Variants in MROH2B observed in about 807,000 individuals in gnomAD.
The protein encoded by MROH2B is maestro heat like repeat family member 2B.
Under a neutral mutation model 208.6 loss-of-function variants are expected in MROH2B, and 177 were observed. The observed-to-expected ratio is 0.85, with a 90% CI of 0.75 to 0.96. MROH2B has a LOEUF of 0.96. MROH2B is among the 40% of genes least tolerant of loss of function. The pLI, the probability that MROH2B is intolerant of heterozygous loss-of-function variation, is 0.00. For synonymous variants in MROH2B, 728 were observed against 659.0 expected (o/e 1.10, Z -1.60); for missense variants, 2,002 against 1,878.7 (o/e 1.07, Z -1.21).
At position 40,998,742 on chromosome 5, in the gene MROH2B, C is replaced by A. The variant is rs1741290799; in HGVS notation, c.4586-65G>T. 7.2e-6 allele frequency: 10 copies of A among 1,386,440 alleles called. No individual in the cohort carries two copies. The South Asian group carries it at 1.1e-4, about 16-fold the overall frequency. 85.9% of individuals were successfully genotyped at this position (1,386,440 alleles called of 1,614,324 possible). A position where few individuals can be genotyped will look rare whatever the true frequency, so the allele number is the denominator to read the frequency against. On this transcript the variant is annotated intron_variant, in intron 40 of 41. Transcript: ENST00000399564. ...GAGGAAGAAGCCATGAAAAGTATAG[C>A]AGGTTAGACTCTGCACCTGGTGAGA...
chr5:41,005,413 A>AACCC (rs35848875), intron 35 of MROH2B, 118 bp downstream of exon 35: 20 of 204,584 alleles, frequency 9.8e-5, no homozygotes, highest in Admixed American at 4.5e-4. Flanking sequence ...CCTCTATGAA[A>AACCC]CCCCCCCCCC....
rs566196052 is a variant in MROH2B at position 41,027,018 on chromosome 5, AC to A, written c.2441+5723del. Among the ~76,000 whole-genome samples the A allele has an allele frequency of 1.8e-3, 270 of 152,314 alleles. 2 individuals are homozygous for A. Among genetic ancestry groups the A allele is most frequent in the African/African-American group, 5.9e-3 (245 of 41,564 alleles). ...AGCTGAAACTGGATCCCTTCCTTAC[AC>A]CTTATACAAAAATTAATTCAAGATG... On this transcript the variant is annotated intron_variant, in intron 24 of 41. Transcript: ENST00000399564.
chr5:41,061,632 T>C lies in MROH2B; in HGVS notation c.553A>G (p.Lys185Glu). Residue 185 changes from lysine to glutamate, a missense_variant, in exon 6 of 42, where the codon AAG (lysine) becomes GAG (glutamate). By Grantham distance (56) the Lys-to-Glu change is moderately conservative. Coordinates refer to ENST00000399564, the MANE Select transcript of MROH2B (RefSeq NM_173489.5). The part of the protein sequence containing the change: ...PRLDANRLSD[K>E]IFMLFWYIME... ...ATATACCAGAACAGCATGAAGATCT[T>C]GTCAGACAGTCGGTTGGCATCCAGT... The C allele has an allele frequency of 1.2e-6, 2 of 1,613,954 alleles. No individual in the cohort carries two copies. The highest frequency in any genetic ancestry group is 1.7e-6 in the Non-Finnish European group (2 of 1,179,838).
intron 1 of MROH2B, among the ~76,000 whole-genome samples, chr5:41,070,481 G>T (rs762778598): frequency 2.6e-5 from 4 of 152,230 alleles, no homozygotes; most frequent in Admixed American, 2.6e-4. Flanking sequence ...TTTTGGCAAA[G>T]TAGAAAGGCA....
chr5:41,068,735 A>G (rs1404544145), intron 2 of MROH2B, among the ~76,000 whole-genome samples: 1 of 152,120 alleles, frequency 6.6e-6, no homozygotes, highest in Non-Finnish European at 1.5e-5. Context: ...GTGATTCCCA[A>G]TGTTTGAGAA....
At chr5:41,037,984 T>A (rs16870705) in intron 21 of MROH2B, among the ~76,000 whole-genome samples, 2,401 of 152,310 alleles carry the variant, frequency 0.016, 80 homozygotes, top group East Asian at 0.14. Flanking sequence ...AATGATCAGA[T>A]AAATTTCAAC....
chr5:41,034,165 G>T (rs1207425307), intron 21 of MROH2B: 3 of 707,160 alleles, frequency 4.2e-6, no homozygotes, highest in Non-Finnish European at 5.2e-6. Flanking sequence ...AGGCTCAACA[G>T]ACTTTGGTAA....
In MROH2B at chr5:41,033,870, A is replaced by C; in HGVS notation, c.2215-6T>G. Reference sequence around the variant, plus strand: ...ATCACAGACATGCCCAGAACCTAAAAAAAATCAAAGGCAAAATTAGATACT... The same window carrying C: ...ATCACAGACATGCCCAGAACCTAAACAAAATCAAAGGCAAAATTAGATACT... On this transcript the variant is annotated splice_region_variant and splice_polypyrimidine_tract_variant and intron_variant, in intron 21 of 41. Coordinates refer to ENST00000399564, the MANE Select transcript of MROH2B (RefSeq NM_173489.5). The C allele has an allele frequency of 1.3e-6, 2 of 1,549,188 alleles. No individual in the cohort carries two copies. Among genetic ancestry groups the C allele is most frequent in the Non-Finnish European group, 1.7e-6 (2 of 1,145,064 alleles).
chr5:41,047,911 A>G (rs1743171388), intron 16 of MROH2B, 147 bp from the exon 17 acceptor site: 17 of 694,686 alleles, frequency 2.4e-5, no homozygotes, highest in Middle Eastern at 4.9e-4. Flanking sequence ...AATTTACTAC[A>G]CTGGCAACTT....
At chr5:41,001,201 C>T (rs1002047572) in intron 37 of MROH2B, among the ~76,000 whole-genome samples, 1 of 152,076 alleles carries the variant, frequency 6.6e-6, no homozygotes, top group Non-Finnish European at 1.5e-5. Flanking sequence ...GGTTGCGTTA[C>T]TAGCCTAGAA....
chr5:41,033,888 T>C, intron 21 of MROH2B, 24 bp from the exon 22 acceptor site: 1 of 1,548,826 alleles, frequency 6.5e-7, no homozygotes, highest in Admixed American at 2.0e-5. Flanking sequence ...AAGGCAAAAT[T>C]AGATACTCAA....
chr5:41,033,035 A>G lies in MROH2B; in HGVS notation c.2361+6T>C, dbSNP rs376461478. 2.5e-5 allele frequency: 41 copies of G among 1,612,662 alleles called. No individual in the cohort carries two copies. The highest frequency in any genetic ancestry group is 3.3e-5 in the Non-Finnish European group (39 of 1,179,168). On this transcript the variant is annotated splice_donor_region_variant and intron_variant, in intron 23 of 41. Coordinates refer to ENST00000399564, the MANE Select transcript of MROH2B (RefSeq NM_173489.5). The stretch of plus-strand genomic sequence containing the variant: ...GGCCTTTCTTATTCCCTCTCTGCAC[A>G]CTCACCAGCATGTAACCAATCAGCA...
chr5:41,012,654 T>A lies in MROH2B; in HGVS notation c.3064A>T (p.Thr1022Ser), dbSNP rs778601034. 4 of 1,613,794 alleles carry A rather than the reference T, an allele frequency of 2.5e-6. No individual in the cohort carries two copies. Among genetic ancestry groups the A allele is most frequent in the Non-Finnish European group, 3.4e-6 (4 of 1,179,828 alleles). The change falls in exon 30 of 42, where the codon ACT becomes TCT. Residue 1022 changes from threonine (T) to serine (S), a missense_variant. Physicochemically the swap from Thr to Ser is moderately conservative, Grantham distance 58. Coordinates refer to ENST00000399564, the MANE Select transcript of MROH2B (RefSeq NM_173489.5). The stretch of plus-strand genomic sequence containing the variant: ...CATATGCCACAGGCCTTTGTACAAG[T>A]GGGGTTGAGGCTCTCCAGACCGTCC... Reference protein sequence around the residue: ...MLDGLESLNPTCTKACGIWMI... With the variant: ...MLDGLESLNPSCTKACGIWMI...
chr5:41,040,399 A>T (rs1003998640), intron 19 of MROH2B, among the ~76,000 whole-genome samples: 1 of 152,186 alleles, frequency 6.6e-6, no homozygotes, highest in African/African-American at 2.4e-5. Context: ...GCCATCATGA[A>T]AACTCGTAGA....
At chr5:41,011,241 G>A (rs1045566329) in intron 30 of MROH2B, among the ~76,000 whole-genome samples, 2 of 152,150 alleles carry the variant, frequency 1.3e-5, no homozygotes, top group African/African-American at 4.8e-5. Context: ...ATTTAAGTTA[G>A]ACATTTATTT....
intron 24 of MROH2B, among the ~76,000 whole-genome samples, chr5:41,021,681 C>T (rs1742153383): frequency 6.6e-6 from 1 of 151,866 alleles, no homozygotes; most frequent in Admixed American, 6.6e-5. Flanking sequence ...AGTTCGAGAC[C>T]AGCCTAGACA....
intron 9 of MROH2B, 21 bp downstream of exon 9, chr5:41,057,088 C>A: frequency 6.2e-7 from 1 of 1,613,188 alleles, no homozygotes; most frequent in Non-Finnish European, 8.5e-7. Context: ...TTATTAAAAG[C>A]CTTCTGGATG....
intron 29 of MROH2B, among the ~76,000 whole-genome samples, chr5:41,014,021 CTGGT>C (rs1394223351): frequency 1.3e-5 from 2 of 152,136 alleles, no homozygotes; most frequent in Non-Finnish European, 2.9e-5. Context: ...AAATGTAAGT[CTGGT>C]TGTGTTTTTC....
chr5:41,064,567 G>C lies in MROH2B; in HGVS notation c.365C>G (p.Ser122Cys). ...CATCATCATGAAAGGAATACTCTGG[G>C]ACACTGGAGGGAGAGGCAGAAAGGA... Reference protein sequence around the residue: ...ALAELATSYVSQSIPFMMMTL... With the variant: ...ALAELATSYVCQSIPFMMMTL... Residue 122 changes from serine to cysteine, a missense_variant, in exon 5 of 42, where the codon TCC becomes TGC. Physicochemically the swap from Ser to Cys is moderately radical, Grantham distance 112 (BLOSUM62 -1). Transcript: ENST00000399564. The C allele has an allele frequency of 6.2e-7, 1 of 1,610,720 alleles. No homozygotes were observed. The highest frequency in any genetic ancestry group is 8.5e-7 in the Non-Finnish European group (1 of 1,177,686).
Sources: gnomAD v4.1 joint callset for allele counts (sites outside exome capture counted in the v4.1 genomes callset) on GRCh38, gnomAD v4.1.1 for gene constraint, MANE v1.5 for transcripts, NCBI Gene and HGNC (gene_info 2026-07-23, HGNC 2026-07-21) for gene names.